The following EFCAB7 variants were observed in gnomAD, a reference collection of about 807,000 sequenced individuals.
EFCAB7 encodes the protein EF-hand calcium-binding domain-containing protein 7.
A neutral mutation model predicts 77.1 loss-of-function variants in EFCAB7; 66 were observed. The observed-to-expected ratio is 0.86, with a 90% CI of 0.70 to 1.05. EFCAB7 has a LOEUF of 1.05. Among genes scored for constraint, EFCAB7 ranks in the 50% least tolerant of loss-of-function variants. The pLI is 0.00. For missense variants in EFCAB7, 638 were observed against 730.5 expected (o/e 0.87, Z 1.46); for synonymous variants, 225 against 243.3 (o/e 0.92, Z 0.70).
intron 6 of EFCAB7, 134 bp from the exon 7 acceptor site, chr1:63,545,782 A>G (rs1034390149): frequency 1.8e-5 from 14 of 760,292 alleles, no homozygotes; most frequent in African/African-American, 5.3e-5. Flanking sequence ...CCTCCTAACT[A>G]TGTTGCACAT....
At chr1:63,541,906 G>A (rs1646833588) in intron 6 of EFCAB7, among the ~76,000 whole-genome samples, 1 of 152,024 alleles carries the variant, frequency 6.6e-6, no homozygotes, top group Non-Finnish European at 1.5e-5. Flanking sequence ...TTGAAATTTT[G>A]AATATTGCAT....
At chr1:63,534,317 G>T (rs1646738025) in intron 6 of EFCAB7, 101 bp downstream of exon 6, 1 of 1,021,072 alleles carries the variant, frequency 9.8e-7, no homozygotes, top group Admixed American at 2.9e-5. Context: ...TAAAGTTTAT[G>T]AAGTAATTTG....
At chr1:63,565,651 C>G (rs945599489) in intron 11 of EFCAB7, among the ~76,000 whole-genome samples, 2 of 151,566 alleles carry the variant, frequency 1.3e-5, no homozygotes, top group African/African-American at 4.9e-5. Context: ...GTCTAATATC[C>G]AATATCTATA....
At chr1:63,572,099 G>C (rs1647279288) in intron 13 of EFCAB7, among the ~76,000 whole-genome samples, 1 of 152,120 alleles carries the variant, frequency 6.6e-6, no homozygotes. Context: ...AAACATTCCA[G>C]AACAGGATAA....
intron 6 of EFCAB7, among the ~76,000 whole-genome samples, chr1:63,545,111 GT>G (rs1646881307): frequency 6.6e-6 from 1 of 151,192 alleles, no homozygotes; most frequent in South Asian, 2.1e-4. Context: ...TAGAGACAGG[GT>G]TTCACCATGT....
intron 11 of EFCAB7, among the ~76,000 whole-genome samples, chr1:63,562,737 A>T (rs1310888198): frequency 1.4e-5 from 2 of 146,164 alleles, no homozygotes; most frequent in African/African-American, 2.5e-5. Flanking sequence ...TCTATATTTT[A>T]TGTCAGATTT....
chr1:63,541,406 A>G (rs561936788), intron 6 of EFCAB7, among the ~76,000 whole-genome samples: 2 of 152,350 alleles, frequency 1.3e-5, no homozygotes, highest in South Asian at 4.1e-4. Context: ...TTAAAAATAT[A>G]CATACATTTT....
rs766192808 is a variant in EFCAB7, at chr1:63,551,777, A to G, written c.999A>G (p.Glu333=). The G allele has an allele frequency of 1.3e-6, 2 of 1,592,034 alleles. No individual in the cohort carries two copies. The highest frequency in any genetic ancestry group is 8.6e-7 in the Non-Finnish European group (1 of 1,168,670). Residue 333 remains glutamate, a synonymous_variant, in exon 8 of 14, where the codon GAA becomes GAG. Transcript: ENST00000371088. ...ATACTGCCTTGTATATTCTCAAGGA[A>G]AATGAGAGTCAAGCAAATCTACAGC... is the stretch of plus-strand genomic sequence containing the variant. ...SVDTALYILK[E]NESQANLQLV...
intron 9 of EFCAB7, 89 bp downstream of exon 9, chr1:63,555,604 C>G (rs1173722261): frequency 1.8e-6 from 2 of 1,104,364 alleles, no homozygotes; most frequent in African/African-American, 3.1e-5. Flanking sequence ...CAGCTCCCAC[C>G]CCCATCCTCA....
Position 63,551,827 on chromosome 1 carries a change from A to G in EFCAB7, c.1049A>G (p.Asn350Ser). Residue 350 changes from asparagine (N) to serine (S), a missense_variant, in exon 8 of 14, where the codon AAT becomes AGT. Physicochemically the swap from Asn to Ser is conservative, Grantham distance 46. Coordinates refer to ENST00000371088, the MANE Select transcript of EFCAB7 (RefSeq NM_032437.4). ...LQLVCFTELR[N>S]REVFGWTGEL... is the part of the protein sequence containing the mutation. ...CTTGTGTGTTTTACCGAACTACGAA[A>G]TAGAGAAGTATACATATTTATTTTC... 6.4e-7 allele frequency: 1 copy of G among 1,567,492 alleles called. No homozygotes were observed. Among genetic ancestry groups the G allele is most frequent in the East Asian group, 2.3e-5 (1 of 44,020 alleles).
chr1:63,529,638 G>GT (rs1557669191), intron 2 of EFCAB7: 1 of 151,026 alleles, frequency 6.6e-6, no homozygotes, highest in African/African-American at 2.4e-5. Context: ...ACTTGAACCC[G>GT]GGAGGCAGAG....
chr1:63,534,302 AC>A, intron 6 of EFCAB7, 86 bp downstream of exon 6: 1 of 1,171,010 alleles, frequency 8.5e-7, no homozygotes, highest in South Asian at 1.8e-5. Context: ...TCTACAGGGA[AC>A]CAGTAAAGTT....
intron 1 of EFCAB7, among the ~76,000 whole-genome samples, chr1:63,525,032 G>A (rs1192010004): frequency 6.6e-6 from 1 of 152,142 alleles, no homozygotes; most frequent in Non-Finnish European, 1.5e-5. Context: ...ATCCTGCTGT[G>A]GAAGATGGGT....
chr1:63,546,756 G>A (rs1188550541), intron 7 of EFCAB7, among the ~76,000 whole-genome samples: 1 of 152,006 alleles, frequency 6.6e-6, no homozygotes, highest in East Asian at 1.9e-4. Context: ...TACTGCAAGG[G>A]GATAATTTGG....
chr1:63,583,799 A>T, the EFCAB7 span, among the ~76,000 whole-genome samples: 2 of 152,194 alleles, frequency 1.3e-5, no homozygotes, highest in Admixed American at 6.5e-5. Flanking sequence ...ACCATTGATT[A>T]TGCTACAGAA....
At chr1:63,537,806 A>G (rs759505439) in intron 6 of EFCAB7, among the ~76,000 whole-genome samples, 1 of 152,234 alleles carries the variant, frequency 6.6e-6, no homozygotes, top group Non-Finnish European at 1.5e-5. Context: ...TATAAAAAGC[A>G]GTAGTGATGA....
At chr1:63,539,310 T>C (rs766639895) in intron 6 of EFCAB7, among the ~76,000 whole-genome samples, 1 of 152,212 alleles carries the variant, frequency 6.6e-6, no homozygotes, top group Admixed American at 6.5e-5. Context: ...GCTGCTGTGC[T>C]GATGATTACA....
chr1:63,525,814 G>T (rs1646579475), intron 2 of EFCAB7, 55 bp downstream of exon 2: 2 of 1,228,994 alleles, frequency 1.6e-6, no homozygotes, highest in East Asian at 5.4e-5. Context: ...TTAATAAATA[G>T]GTCCGAAAGA....
chr1:63,574,357 C>T (rs1413368916), downstream of EFCAB7, among the ~76,000 whole-genome samples: 1 of 152,110 alleles, frequency 6.6e-6, no homozygotes, highest in Non-Finnish European at 1.5e-5. Flanking sequence ...ATAGAATGGG[C>T]TTGTGAGACT....
Sources: gnomAD v4.1 joint callset for allele counts (sites outside exome capture counted in the v4.1 genomes callset) on GRCh38, gnomAD v4.1.1 for gene constraint, MANE v1.5 for transcripts, NCBI Gene and HGNC (gene_info 2026-07-23, HGNC 2026-07-21) for gene names.